TESK2: variants seen among roughly 807,000 people sequenced by gnomAD.
TESK2 encodes dual specificity testis-specific protein kinase 2.
Under a neutral mutation model 57.1 loss-of-function variants are expected in TESK2, and 39 were observed. The observed-to-expected ratio is 0.68, with a 90% confidence interval of 0.53 to 0.89. The LOEUF (loss-of-function observed/expected upper bound fraction) is 0.89, where lower values mean the gene tolerates loss of function less well. Ranked by LOEUF, TESK2 falls within the 40% of genes least tolerant of loss-of-function variation. The probability of loss-of-function intolerance (pLI) is 0.00; values close to 1 mark genes in which losing one functional copy is unlikely to be tolerated. For missense variants in TESK2, 646 were observed against 732.1 expected (o/e 0.88, Z 1.36); for synonymous variants, 249 against 267.9 (o/e 0.93, Z 0.69).
At chr1:45,489,571 A>G (rs1653631918) in intron 1 of TESK2, among the ~76,000 whole-genome samples, 1 of 152,110 alleles carries the variant, frequency 6.6e-6, no homozygotes, top group African/African-American at 2.4e-5. Context: ...GGGCGGATTG[A>G]CTGAGGTCAG....
intron 1 of TESK2, among the ~76,000 whole-genome samples, chr1:45,485,518 AT>A (rs796389880): frequency 1.2e-5 from 1 of 80,080 alleles, no homozygotes; most frequent in African/African-American, 5.4e-5. Context: ...TTTATTTTTT[AT>A]TTTATTTTTT....
intron 3 of TESK2, among the ~76,000 whole-genome samples, chr1:45,405,514 A>G (rs1649803394): frequency 6.6e-6 from 1 of 151,970 alleles, no homozygotes; most frequent in Non-Finnish European, 1.5e-5. Flanking sequence ...ATTCAGGGCC[A>G]GGTGCAATGG....
intron 2 of TESK2, among the ~76,000 whole-genome samples, chr1:45,429,678 T>C (rs1278584531): frequency 1.3e-5 from 2 of 152,230 alleles, no homozygotes; most frequent in African/African-American, 4.8e-5. Context: ...TTCTACTAAG[T>C]TGTTCCACTA....
chr1:45,439,448 C>T (rs1651352810), intron 2 of TESK2, among the ~76,000 whole-genome samples: 1 of 152,130 alleles, frequency 6.6e-6, no homozygotes, highest in Non-Finnish European at 1.5e-5. Context: ...AAAGAAATAG[C>T]TCCATAGATA....
rs189813947 is a variant in TESK2 at position 45,388,772 on chromosome 1, G to C, written c.345-2812C>G. Among the ~76,000 whole-genome samples, 3 of 144,220 alleles carry C rather than the reference G, an allele frequency of 2.1e-5. No individual in the cohort carries two copies. The East Asian group carries it at 6.2e-4, about 30-fold the overall frequency. The allele number at this position is 144,220 out of a possible 152,430, so 94.6% of individuals were successfully genotyped here. On this transcript the variant is annotated intron_variant, in intron 3 of 10. Coordinates refer to ENST00000372086, the MANE Select transcript of TESK2 (RefSeq NM_007170.3). ...GTCTCATTCTGTTGCCCAGGCTGGA[G>C]TGCAGTGGCGCAATCTCGGCTCACT...
In TESK2 at chr1:45,486,885, C is replaced by A. The variant is rs1489322620; in HGVS notation, c.-87+3967G>T. ...TTGCCCAGGCTGGAGTGCAGTGGCC[C>A]GATCTCGGCTAACCGCAACCTCCAC... On this transcript the variant is annotated intron_variant, in intron 1 of 10. Coordinates refer to ENST00000372086, the MANE Select transcript of TESK2 (RefSeq NM_007170.3). Among the ~76,000 whole-genome samples the A allele has an allele frequency of 1.3e-5, 2 of 150,554 alleles. 1 individual carries two copies. Among genetic ancestry groups the A allele is most frequent in the South Asian group, 4.2e-4 (2 of 4,718 alleles).
chr1:45,441,132 AT>A (rs555070543), intron 2 of TESK2, among the ~76,000 whole-genome samples: 210 of 152,148 alleles, frequency 1.4e-3, no homozygotes, highest in African/African-American at 4.6e-3. Flanking sequence ...AAATCACTAC[AT>A]TTGTGGTAAT....
At chr1:45,455,795 CACATT>C (rs913741661) in intron 2 of TESK2, among the ~76,000 whole-genome samples, 9 of 151,694 alleles carry the variant, frequency 5.9e-5, no homozygotes, top group African/African-American at 2.2e-4. Flanking sequence ...TAGAGAAAGA[CACATT>C]AGAAAGAAAG....
chr1:45,463,671 T>C (rs1336452858), intron 1 of TESK2, among the ~76,000 whole-genome samples: 1 of 152,054 alleles, frequency 6.6e-6, no homozygotes, highest in Non-Finnish European at 1.5e-5. Context: ...GCAGCCTCGA[T>C]CTCCTAGGGC....
intron 3 of TESK2, among the ~76,000 whole-genome samples, chr1:45,389,506 C>A (rs1405360443): frequency 1.3e-5 from 2 of 152,182 alleles, no homozygotes; most frequent in African/African-American, 2.4e-5. Flanking sequence ...TGCAGAGAGT[C>A]CCCACCAGCA....
chr1:45,463,647 G>A (rs1372645650), intron 1 of TESK2, among the ~76,000 whole-genome samples: 1 of 152,106 alleles, frequency 6.6e-6, no homozygotes, highest in African/African-American at 2.4e-5. Context: ...GGAGTGGCGT[G>A]ATCACAGCTC....
intron 1 of TESK2, among the ~76,000 whole-genome samples, chr1:45,471,090 G>C (rs1652746276): frequency 6.6e-6 from 1 of 152,130 alleles, no homozygotes; most frequent in South Asian, 2.1e-4. Context: ...AATTAGTCAG[G>C]CATGGTGACG....
At chr1:45,382,334 G>A (rs561696290) in intron 4 of TESK2, among the ~76,000 whole-genome samples, 2 of 152,238 alleles carry the variant, frequency 1.3e-5, no homozygotes, top group South Asian at 4.2e-4. Flanking sequence ...AACCTCCTGG[G>A]CTCAGGTGAT....
At chr1:45,476,483 G>A (rs776923056) in intron 1 of TESK2, among the ~76,000 whole-genome samples, 5 of 151,622 alleles carry the variant, frequency 3.3e-5, no homozygotes, top group Admixed American at 6.6e-5. Context: ...CTCCGGCCTC[G>A]GCACTAGAGC....
Position 45,348,013 on chromosome 1 carries a change from G to C in TESK2, c.541-13C>G. On this transcript the variant is annotated splice_polypyrimidine_tract_variant and intron_variant, in intron 5 of 10. Transcript: ENST00000372086. ...TTATCAGGCAGTTCTAGGGTTCCCA[G>C]GAAGGAAGAGAAAATAATGTGGCTC... 6.4e-7 allele frequency: 1 copy of C among 1,569,084 alleles called. No individual in the cohort carries two copies. The highest frequency in any genetic ancestry group is 8.8e-7 in the Non-Finnish European group (1 of 1,139,102).
chr1:45,360,156 C>T (rs1030790710), intron 4 of TESK2, among the ~76,000 whole-genome samples: 1 of 152,098 alleles, frequency 6.6e-6, no homozygotes, highest in South Asian at 2.1e-4. Context: ...AAGCACAGCG[C>T]CTTGCTCTCT....
chr1:45,380,682 A>G (rs955876929), intron 4 of TESK2, among the ~76,000 whole-genome samples: 2 of 152,252 alleles, frequency 1.3e-5, no homozygotes, highest in African/African-American at 4.8e-5. Context: ...GGACAGCGTC[A>G]ATTTAACCAT....
At chr1:45,487,967 T>C (rs1359760223) in intron 1 of TESK2, among the ~76,000 whole-genome samples, 1 of 149,482 alleles carries the variant, frequency 6.7e-6, no homozygotes, top group Non-Finnish European at 1.5e-5. Context: ...CAGGCTGGAG[T>C]GCAGTGGTAC....
chr1:45,457,550 GAA>G lies in TESK2; in HGVS notation c.222+12_222+13del. The G allele has an allele frequency of 1.2e-6, 2 of 1,610,426 alleles. No homozygotes were observed. Among genetic ancestry groups the G allele is most frequent in the Non-Finnish European group, 1.7e-6 (2 of 1,176,972 alleles). ...ACAGCAAGACAATATGAGAAAAGCT[GAA>G]GACTCACTCACCTTGAACACTTCAG... On this transcript the variant is annotated intron_variant, in intron 2 of 10. Coordinates refer to ENST00000372086, the MANE Select transcript of TESK2 (RefSeq NM_007170.3).
Sources: gnomAD v4.1 joint callset for allele counts (sites outside exome capture counted in the v4.1 genomes callset) on GRCh38, gnomAD v4.1.1 for gene constraint, MANE v1.5 for transcripts, NCBI Gene and HGNC (gene_info 2026-07-23, HGNC 2026-07-21) for gene names.